Variants in NFIA observed in about 807,000 individuals in gnomAD.
NFIA encodes the protein nuclear factor I A.
In NFIA, 8 loss-of-function variants were observed where a neutral mutation model predicts 62.8. That is an observed-to-expected ratio of 0.13 (90% CI 0.07 to 0.23). The LOEUF (loss-of-function observed/expected upper bound fraction) is 0.23, where lower values mean the gene tolerates loss of function less well. NFIA is among the 10% of genes least tolerant of loss of function. The probability of loss-of-function intolerance (pLI) is 1.00; values close to 1 mark genes in which losing one functional copy is unlikely to be tolerated. For missense variants in NFIA, 410 were observed against 642.1 expected (o/e 0.64, Z 3.91); for synonymous variants, 235 against 238.1 (o/e 0.99, Z 0.12).
chr1:61,116,987 A>G (rs1287274843), intron 2 of NFIA, among the ~76,000 whole-genome samples: 1 of 152,228 alleles, frequency 6.6e-6, no homozygotes, highest in Non-Finnish European at 1.5e-5. Context: ...AAATACTTTT[A>G]AAATACTATT....
chr1:61,317,493 G>A (rs1660428146), intron 3 of NFIA, among the ~76,000 whole-genome samples: 1 of 151,794 alleles, frequency 6.6e-6, no homozygotes, highest in Non-Finnish European at 1.5e-5. Context: ...ATTATATTTA[G>A]GAATTAGATT....
At chr1:61,443,264 A>G (rs1240489786) in intron 10 of NFIA, among the ~76,000 whole-genome samples, 1 of 152,064 alleles carries the variant, frequency 6.6e-6, no homozygotes, top group Non-Finnish European at 1.5e-5. Flanking sequence ...AACAACTCCA[A>G]AGATAAAAAA....
At position 61,082,755 on chromosome 1, in the gene NFIA, A is replaced by G; in HGVS notation, c.-37A>G. 1 of 1,548,814 alleles carries G rather than the reference A, an allele frequency of 6.5e-7. No individual in the cohort carries two copies. Among genetic ancestry groups the G allele is most frequent in the South Asian group, 1.2e-5 (1 of 83,922 alleles). On this transcript the variant is annotated 5_prime_UTR_variant, in exon 1 of 11. Transcript: ENST00000403491. Reference sequence around the variant, plus strand: ...ACTCACGCACACCTCCAAACCGCACACCCAGACGCACACGCATACCCCAGC... The same window carrying G: ...ACTCACGCACACCTCCAAACCGCACGCCCAGACGCACACGCATACCCCAGC...
chr1:61,112,990 A>G (rs1485786082), intron 2 of NFIA, among the ~76,000 whole-genome samples: 1 of 152,168 alleles, frequency 6.6e-6, no homozygotes, highest in Non-Finnish European at 1.5e-5. Context: ...CTAGTGTTTC[A>G]TTAGCCCTAA....
Position 61,452,905 on chromosome 1 carries a change from A to G in NFIA, c.1513-2398A>G, listed in dbSNP as rs992735578. Among the ~76,000 whole-genome samples the G allele has an allele frequency of 1.1e-4, 17 of 152,100 alleles. 1 individual carries two copies. The highest frequency in any genetic ancestry group is 4.1e-4 in the African/African-American group (17 of 41,394). On this transcript the variant is annotated intron_variant, in intron 10 of 10. Transcript: ENST00000403491. ...TTTTTTCTAATTCCCTTAAGCAGCT[A>G]AAGTATTTCATGAAATGTCAATAGG...
At chr1:61,209,667 TACA>T (rs71756240) in intron 2 of NFIA, among the ~76,000 whole-genome samples, 9,571 of 147,894 alleles carry the variant, frequency 0.065, 852 homozygotes, top group African/African-American at 0.2. Context: ...CTATGAAAAA[TACA>T]ACAACAACAA....
At chr1:61,340,302 A>G (rs752190307) in intron 4 of NFIA, among the ~76,000 whole-genome samples, 19 of 152,332 alleles carry the variant, frequency 1.2e-4, no homozygotes, top group Non-Finnish European at 2.6e-4. Context: ...CTATGTGTCA[A>G]GTATAAAACC....
At chr1:61,144,027 T>A (rs1397345610) in intron 2 of NFIA, among the ~76,000 whole-genome samples, 1 of 152,252 alleles carries the variant, frequency 6.6e-6, no homozygotes, top group Non-Finnish European at 1.5e-5. Flanking sequence ...ACAAAGCAGA[T>A]TGATTCATTC....
At chr1:61,107,640 T>C (rs1331738140) in intron 2 of NFIA, among the ~76,000 whole-genome samples, 4 of 151,748 alleles carry the variant, frequency 2.6e-5, no homozygotes, top group Admixed American at 2.6e-4. Flanking sequence ...ATTTTCTTCA[T>C]GTTATCTTTG....
intron 6 of NFIA, among the ~76,000 whole-genome samples, chr1:61,360,706 G>A (rs1569608018): frequency 6.6e-6 from 1 of 152,166 alleles, no homozygotes; most frequent in African/African-American, 2.4e-5. Context: ...AAATGTTGGG[G>A]TGATAGAACC....
At chr1:61,244,501 C>T (rs939204334) in intron 2 of NFIA, among the ~76,000 whole-genome samples, 1 of 152,038 alleles carries the variant, frequency 6.6e-6, no homozygotes, top group Non-Finnish European at 1.5e-5. Context: ...AACTGAAGGG[C>T]TAGGGGTTTA....
At chr1:61,170,355 G>A (rs554427188) in intron 2 of NFIA, among the ~76,000 whole-genome samples, 8 of 152,164 alleles carry the variant, frequency 5.3e-5, no homozygotes, top group South Asian at 2.1e-4. Context: ...CTTTTACCTC[G>A]ATGGGGGAGG....
chr1:61,314,158 T>TA (rs1313504877), intron 3 of NFIA, among the ~76,000 whole-genome samples: 1 of 152,194 alleles, frequency 6.6e-6, no homozygotes, highest in African/African-American at 2.4e-5. Flanking sequence ...ATGACTTGTA[T>TA]AGGCCATCAC....
chr1:61,274,497 C>T (rs939219240), intron 2 of NFIA, among the ~76,000 whole-genome samples: 10 of 152,174 alleles, frequency 6.6e-5, no homozygotes, highest in African/African-American at 2.4e-4. Context: ...AACCAGTAAG[C>T]CAGAGAAACT....
chr1:61,307,771 C>G (rs1253642044), intron 3 of NFIA, among the ~76,000 whole-genome samples: 1 of 152,194 alleles, frequency 6.6e-6, no homozygotes, highest in African/African-American at 2.4e-5. Flanking sequence ...GATCCATTTG[C>G]TAGCATCTTT....
At chr1:61,091,401 A>G (rs1320267471) in intron 2 of NFIA, among the ~76,000 whole-genome samples, 1 of 152,192 alleles carries the variant, frequency 6.6e-6, no homozygotes, top group Non-Finnish European at 1.5e-5. Flanking sequence ...CTAAAATATA[A>G]TACATAAACT....
chr1:61,215,578 G>A (rs1653561131), intron 2 of NFIA, among the ~76,000 whole-genome samples: 5 of 152,076 alleles, frequency 3.3e-5, no homozygotes, highest in Admixed American at 3.3e-4. Context: ...CCACTGAATA[G>A]AAAAAACTAA....
rs558487096 is a variant in NFIA at position 61,223,303 on chromosome 1, G to A, written c.560-54217G>A. 3.0e-4 allele frequency among the ~76,000 whole-genome samples: 46 copies of A among 152,100 alleles called. No individual in the cohort carries two copies. In the South Asian group the frequency reaches 9.3e-3, roughly 31 times the overall value. ...AGACCAGAAGCAAAAATAAAATAGA[G>A]CAAATGTTTACCAGGAAAATGTGTT... is the stretch of plus-strand genomic sequence containing the variant. On this transcript the variant is annotated intron_variant, in intron 2 of 10. Transcript: ENST00000403491.
At position 61,147,716 on chromosome 1, in the gene NFIA, G is replaced by T. The variant is rs375358716; in HGVS notation, c.559+59036G>T. Among the ~76,000 whole-genome samples, 127 of 151,314 alleles carry T rather than the reference G, an allele frequency of 8.4e-4. 1 individual carries two copies. Among genetic ancestry groups the T allele is most frequent in the African/African-American group, 2.9e-3 (121 of 41,212 alleles). On this transcript the variant is annotated intron_variant, in intron 2 of 10. Coordinates refer to ENST00000403491, the MANE Select transcript of NFIA (RefSeq NM_001134673.4). ...GTTGGAAAGCATGTAATTTTCATTT[G>T]TTTTTTTTCACCTAGTAGTGCTTAA...
Sources: allele counts gnomAD v4.1 joint callset (sites outside exome capture counted in the v4.1 genomes callset), GRCh38; gene constraint gnomAD v4.1.1; transcripts MANE v1.5; gene names NCBI Gene and HGNC (gene_info 2026-07-23, HGNC 2026-07-21).